Variants in THBS2 observed in about 807,000 individuals in gnomAD.
The protein encoded by THBS2 is thrombospondin 2.
Under a neutral mutation model 135.2 loss-of-function variants are expected in THBS2, and 47 were observed. The ratio of observed to expected loss-of-function variants is 0.35; its 90% CI spans 0.28 to 0.44. The LOEUF is 0.44. THBS2 is among the 20% of genes least tolerant of loss of function. The pLI, the probability that THBS2 is intolerant of heterozygous loss-of-function variation, is 1.00. For synonymous variants in THBS2, 639 were observed against 633.8 expected, an observed-to-expected ratio of 1.01 and a Z score of -0.12; for missense variants, 1,288 against 1,603.1, an observed-to-expected ratio of 0.80 and a Z score of 3.36.
intron 21 of THBS2, among the ~76,000 whole-genome samples, chr6:169,218,372 GATGA>G (rs1307401845): frequency 1.4e-5 from 2 of 146,212 alleles, no homozygotes; most frequent in Non-Finnish European, 3.0e-5. Context: ...TGGATGGATG[GATGA>G]ATGAGATAGG....
chr6:169,237,517 GC>G, intron 8 of THBS2, 107 bp downstream of exon 8: 1 of 1,547,822 alleles, frequency 6.5e-7, no homozygotes, highest in Non-Finnish European at 8.8e-7. Context: ...CCTTGCAAAG[GC>G]CCAGCACCTC....
At chr6:169,224,289 C>T (rs1039790065) in intron 17 of THBS2, among the ~76,000 whole-genome samples, 2 of 152,236 alleles carry the variant, frequency 1.3e-5, no homozygotes, top group Admixed American at 1.3e-4. Flanking sequence ...TGCCTATCAG[C>T]TTCTCTCTGT....
At chr6:169,242,732 C>T (rs1583418573) in intron 4 of THBS2, among the ~76,000 whole-genome samples, 4 of 129,974 alleles carry the variant, frequency 3.1e-5, no homozygotes, top group Non-Finnish European at 5.1e-5. Flanking sequence ...CACCTTCCCA[C>T]CTTCCCACCG....
At chr6:169,236,072 A>ATTC (rs1780041571) in intron 9 of THBS2, among the ~76,000 whole-genome samples, 4 of 54,618 alleles carry the variant, frequency 7.3e-5, no homozygotes, top group African/African-American at 1.7e-4. Context: ...ATCCACACTC[A>ATTC]CCATCCACAC....
At chr6:169,218,163 G>C (rs1299462558) in intron 21 of THBS2, among the ~76,000 whole-genome samples, 1 of 146,720 alleles carries the variant, frequency 6.8e-6, no homozygotes, top group Non-Finnish European at 1.5e-5. Flanking sequence ...GATGAAATGA[G>C]TGGGTGGATG....
Position 169,220,306 on chromosome 6 carries a change from C to T in THBS2, c.3403G>A (p.Ala1135Thr). 1 of 1,613,336 alleles carries T rather than the reference C, an allele frequency of 6.2e-7. No individual in the cohort carries two copies. The highest frequency in any genetic ancestry group is 8.5e-7 in the Non-Finnish European group (1 of 1,179,662). The change falls in exon 21 of 22, where the codon GCA becomes ACA. Residue 1135 changes from alanine to threonine, a missense_variant. This residue lies in a region of THBS2 where 874 missense variants were observed against 1,156.1 expected (regional missense o/e 0.76). Transcript: ENST00000617924. ...VLVHEGKQVM[A>T]DSGPIYDQTY... ...TGGTCATAGATAGGTCCTGAGTCTG[C>T]CATGACCTGTTTTCCTTCATGCACT...
chr6:169,239,037 T>C (rs1780202358), intron 7 of THBS2, among the ~76,000 whole-genome samples: 1 of 152,072 alleles, frequency 6.6e-6, no homozygotes, highest in Admixed American at 6.5e-5. Context: ...AGGGCAGCGT[T>C]GGGGCCAACT....
At chr6:169,219,306 GTT>G (rs1451492385) in intron 21 of THBS2, among the ~76,000 whole-genome samples, 2 of 142,414 alleles carry the variant, frequency 1.4e-5, no homozygotes, top group Non-Finnish European at 3.1e-5. Context: ...TGGATGGGTG[GTT>G]GGATGGATGA....
In THBS2 at chr6:169,234,912, G is replaced by A. The variant is rs376680272; in HGVS notation, c.1478-5C>T. 2.2e-4 allele frequency: 341 copies of A among 1,583,302 alleles called. 1 individual carries two copies. In the African/African-American group the frequency reaches 3.0e-3, roughly 14 times the overall value. ...AGGGGCTCCAGCGGCCATCGACTGC[G>A]GGGAAAGCCAACCAGGGGGAGCTCA... is the stretch of plus-strand genomic sequence containing the variant. On this transcript the variant is annotated splice_polypyrimidine_tract_variant and splice_region_variant and intron_variant, in intron 9 of 21. Transcript: ENST00000617924.
intron 4 of THBS2, 81 bp downstream of exon 4, chr6:169,246,116 T>A: frequency 8.7e-7 from 1 of 1,148,618 alleles, no homozygotes; most frequent in Non-Finnish European, 1.3e-6. Flanking sequence ...TGCACACACA[T>A]ACACACACAC....
chr6:169,238,342 TG>T (rs1177668018), intron 7 of THBS2, among the ~76,000 whole-genome samples: 2 of 152,018 alleles, frequency 1.3e-5, no homozygotes, highest in Non-Finnish European at 2.9e-5. Context: ...AGCCGCTAAA[TG>T]GGGGGAAAGA....
chr6:169,219,813 T>C (rs868752207), intron 21 of THBS2: 2 of 521,862 alleles, frequency 3.8e-6, no homozygotes, highest in African/African-American at 2.1e-5. Flanking sequence ...GCGAGATAAC[T>C]ATAGAGAAAC....
In THBS2 at chr6:169,239,153, A is replaced by G. The variant is rs563609355; in HGVS notation, c.1129+446T>C. ...GTTCTGTTCCTTAGAATGTATTTCT[A>G]TCCCTTAGAACATATTCTTCGGATA... On this transcript the variant is annotated intron_variant, in intron 7 of 21. Coordinates refer to ENST00000617924, the MANE Select transcript of THBS2 (RefSeq NM_003247.5). 3 of 158,366 alleles carry G rather than the reference A, an allele frequency of 1.9e-5. No homozygotes were observed. The East Asian group carries it at 5.6e-4, about 30-fold the overall frequency. The allele number at this position is 158,366 out of a possible 1,614,324, so 9.8% of individuals were successfully genotyped here.
intron 1 of THBS2, among the ~76,000 whole-genome samples, chr6:169,251,506 C>T (rs904840988): frequency 6.6e-6 from 1 of 152,136 alleles, no homozygotes; most frequent in Admixed American, 6.5e-5. Flanking sequence ...TGGTCCAAAG[C>T]CCGGCTGGGC....
chr6:169,237,058 G>T, intron 9 of THBS2, 112 bp downstream of exon 9: 2 of 1,259,018 alleles, frequency 1.6e-6, no homozygotes, highest in Non-Finnish European at 2.2e-6. Flanking sequence ...GGCTGGGGCT[G>T]GGCTGGGCTG....
Position 169,248,820 on chromosome 6 carries a change from T to C in THBS2, c.206A>G (p.Asp69Gly). Residue 69 changes from aspartate to glycine, a missense_variant, in exon 3 of 22, where the codon GAT becomes GGT. By Grantham distance (94) the Asp-to-Gly change is moderately conservative (BLOSUM62 -1). Around this residue, in one of 2 missense-constraint regions of THBS2, gnomAD observed 414 missense variants for 447.0 expected, o/e 0.93. Coordinates refer to ENST00000617924, the MANE Select transcript of THBS2 (RefSeq NM_003247.5). The part of the protein sequence containing the change: ...RFDYIPPVNA[D>G]DLSKITKIMR... ...GATCTTGGTGATCTTGCTGAGGTCA[T>C]CTGCGTTCACCGGTGGGATGTAGTC... is the stretch of plus-strand genomic sequence containing the variant. 6.2e-7 allele frequency: 1 copy of C among 1,610,936 alleles called. No homozygotes were observed. The highest frequency in any genetic ancestry group is 8.5e-7 in the Non-Finnish European group (1 of 1,180,006).
Position 169,223,396 on chromosome 6 carries a change from G to C in THBS2, c.2853C>G (p.Asn951Lys). ...IPDIDDVCPE[N>K]NAISETDFRN... ...TGAAGTCTGTCTCACTGATGGCATT[G>C]TTTTCAGGACACACATCATCAATAT... Residue 951 changes from asparagine (N) to lysine (K), a missense_variant, in exon 18 of 22, where the codon AAC becomes AAG. This residue lies in a region of THBS2 where 874 missense variants were observed against 1,156.1 expected (regional missense o/e 0.76). Coordinates refer to ENST00000617924, the MANE Select transcript of THBS2 (RefSeq NM_003247.5). 6.2e-7 allele frequency: 1 copy of C among 1,614,150 alleles called. No homozygotes were observed. The highest frequency in any genetic ancestry group is 1.1e-5 in the South Asian group (1 of 91,074).
At chr6:169,221,143 A>G (rs186995712) in intron 20 of THBS2, among the ~76,000 whole-genome samples, 46 of 152,372 alleles carry the variant, frequency 3.0e-4, no homozygotes, top group African/African-American at 1.1e-3. Flanking sequence ...AGATGCAGTT[A>G]TTTTAATTGC....
intron 4 of THBS2, among the ~76,000 whole-genome samples, chr6:169,242,318 A>G (rs1419662259): frequency 6.6e-6 from 1 of 152,030 alleles, no homozygotes; most frequent in Non-Finnish European, 1.5e-5. Context: ...GTGGCCACGC[A>G]TGTCACTCAG....
Sources: allele counts gnomAD v4.1 joint callset (sites outside exome capture counted in the v4.1 genomes callset), GRCh38; gene constraint gnomAD v4.1.1; regional missense constraint gnomAD v4.1.1; transcripts MANE v1.5; gene names NCBI Gene and HGNC (gene_info 2026-07-23, HGNC 2026-07-21).